Variants in PLA2G4D observed in about 807,000 individuals in gnomAD.
PLA2G4D encodes cytosolic phospholipase A2 delta.
A neutral mutation model predicts 94.4 loss-of-function variants in PLA2G4D; 80 were observed. That is an observed-to-expected ratio of 0.85 (90% CI 0.71 to 1.02). PLA2G4D has a LOEUF of 1.02. Among genes scored for constraint, PLA2G4D ranks in the 50% least tolerant of loss-of-function variants. The pLI, the probability that PLA2G4D is intolerant of heterozygous loss-of-function variation, is 0.00. For missense variants in PLA2G4D, 1,050 were observed against 1,034.7 expected, an observed-to-expected ratio of 1.01 and a Z score of -0.20; for synonymous variants, 438 against 440.9, an observed-to-expected ratio of 0.99 and a Z score of 0.08.
At chr15:42,086,936 T>C (rs2141102564) in intron 3 of PLA2G4D, among the ~76,000 whole-genome samples, 1 of 152,174 alleles carries the variant, frequency 6.6e-6, no homozygotes, top group East Asian at 1.9e-4. Context: ...CTCCCTGGCT[T>C]TTCTGGCTCC....
Position 42,094,451 on chromosome 15 carries a change from G to A in PLA2G4D, c.9C>T (p.Ser3=). Residue 3 remains serine, a synonymous_variant, in exon 1 of 20, where the codon AGC becomes AGT. Coordinates refer to ENST00000290472, the MANE Select transcript of PLA2G4D (RefSeq NM_178034.4). ME[S]LSPGGPPGHP... ...GGCCAGGTGGTCCCCCAGGTGACAG[G>A]CTCTCCATGCTAGCCCTTCCAGCTT... 1 of 1,614,110 alleles carries A rather than the reference G, an allele frequency of 6.2e-7. No individual in the cohort carries two copies. Among genetic ancestry groups the A allele is most frequent in the Non-Finnish European group, 8.5e-7 (1 of 1,179,990 alleles).
At chr15:42,086,072 G>A in intron 4 of PLA2G4D, 141 bp downstream of exon 4, 1 of 934,782 alleles carries the variant, frequency 1.1e-6, no homozygotes, top group Non-Finnish European at 1.6e-6. Context: ...TTATTAAAAT[G>A]CAAATCTAAA....
chr15:42,069,684 A>G (rs1284993960), intron 19 of PLA2G4D, among the ~76,000 whole-genome samples: 10 of 152,024 alleles, frequency 6.6e-5, no homozygotes, highest in African/African-American at 2.4e-4. Flanking sequence ...CATCATGACA[A>G]AGGGGACCCC....
At chr15:42,088,604 C>T (rs17748059) in intron 1 of PLA2G4D, among the ~76,000 whole-genome samples, 11,559 of 152,192 alleles carry the variant, frequency 0.076, 557 homozygotes, top group Middle Eastern at 0.14. Context: ...CTTATAAGCC[C>T]CTTTGATGTG....
chr15:42,075,598 A>T lies in PLA2G4D; in HGVS notation c.1318-3206T>A, dbSNP rs565130473. On this transcript the variant is annotated intron_variant, in intron 13 of 19. Transcript: ENST00000290472. ...CTAGGTGATTCTATCATATAATTACAACAGCAGGCCAGTCATAGTGGCTCA... is the reference window on the plus strand; with the variant it reads ...CTAGGTGATTCTATCATATAATTACTACAGCAGGCCAGTCATAGTGGCTCA... Among the ~76,000 whole-genome samples the T allele has an allele frequency of 3.9e-4, 59 of 152,356 alleles. 2 individuals are homozygous for T. The South Asian group carries it at 8.1e-3, about 21-fold the overall frequency.
Position 42,070,860 on chromosome 15 carries a change from TG to T in PLA2G4D, c.1899del (p.Ser634AlafsTer3), listed in dbSNP as rs749877522. The T allele has an allele frequency of 1.2e-6, 2 of 1,612,050 alleles. No individual in the cohort carries two copies. The highest frequency in any genetic ancestry group is 2.7e-5 in the African/African-American group (2 of 75,042). ...TWADYQLDSM[P>X]SQLTPKEPRL... ...CGGGGCTCCTTGGGGGTCAGCTGGC[TG>T]GGCATGGAGTCAAGCTGGTAGTCTG... On this transcript the variant is annotated frameshift_variant, in exon 18 of 20. Transcript: ENST00000290472. LOFTEE classifies it high-confidence loss of function.
chr15:42,077,746 C>T (rs1304306781), intron 13 of PLA2G4D, among the ~76,000 whole-genome samples: 2 of 152,242 alleles, frequency 1.3e-5, no homozygotes, highest in African/African-American at 4.8e-5. Context: ...GAGATTTTTA[C>T]TCCTCTGTTG....
intron 12 of PLA2G4D, 61 bp downstream of exon 12, chr15:42,080,936 C>T (rs1566863059): frequency 4.5e-6 from 7 of 1,568,804 alleles, no homozygotes; most frequent in South Asian, 1.2e-5. Flanking sequence ...CCCTCTGGTG[C>T]CCACTCTGCC....
chr15:42,070,793 G>T lies in PLA2G4D; in HGVS notation c.1967C>A (p.Ser656Tyr), dbSNP rs761072660. ...GCGGCCTGGCCGGAACATGGAGGGA[G>T]AGCTGGTGTTGATGAAGTAGGCGGC... The part of the protein sequence containing the change: ...VDAAYFINTS[S>Y]PSMFRPGRRL... Residue 656 changes from serine (S) to tyrosine (Y), a missense_variant, in exon 18 of 20, where the codon TCT becomes TAT. Transcript: ENST00000290472. 3.7e-6 allele frequency: 6 copies of T among 1,605,428 alleles called. No homozygotes were observed. The African/African-American group carries it at 8.0e-5, about 21-fold the overall frequency.
intron 9 of PLA2G4D, 144 bp from the exon 10 acceptor site, chr15:42,081,978 C>T: frequency 9.5e-7 from 1 of 1,057,750 alleles, no homozygotes; most frequent in Non-Finnish European, 1.3e-6. Context: ...GTTGCTCAGG[C>T]TGGAGTGCAA....
chr15:42,073,682 C>A (rs1157055856), intron 13 of PLA2G4D, among the ~76,000 whole-genome samples: 2 of 152,280 alleles, frequency 1.3e-5, no homozygotes, highest in Non-Finnish European at 2.9e-5. Context: ...GTGAAGCATG[C>A]GGACTTCTGG....
intron 7 of PLA2G4D, 68 bp downstream of exon 7, chr15:42,083,648 G>T (rs1295394217): frequency 1.3e-6 from 2 of 1,580,710 alleles, no homozygotes; most frequent in Non-Finnish European, 1.7e-6. Context: ...CCCTGCGCAG[G>T]CTTCCCAGCA....
chr15:42,090,738 T>C (rs1295788679), intron 1 of PLA2G4D, among the ~76,000 whole-genome samples: 1 of 152,164 alleles, frequency 6.6e-6, no homozygotes, highest in East Asian at 1.9e-4. Context: ...TTGTTTTACC[T>C]GGGAGCTAGA....
At chr15:42,090,232 T>TA (rs1191916878) in intron 1 of PLA2G4D, among the ~76,000 whole-genome samples, 1 of 152,214 alleles carries the variant, frequency 6.6e-6, no homozygotes, top group Non-Finnish European at 1.5e-5. Context: ...TTCTGAGGCT[T>TA]AAAATGTTAA....
intron 18 of PLA2G4D, chr15:42,070,311 G>A: frequency 1.8e-6 from 1 of 544,600 alleles, no homozygotes; most frequent in Non-Finnish European, 3.1e-6. Flanking sequence ...CTCTAGGTGG[G>A]GTCAGACCCA....
rs376888583 is a variant in PLA2G4D, at chr15:42,087,270, A to T, written c.255+30T>A. 14 of 1,613,544 alleles carry T rather than the reference A, an allele frequency of 8.7e-6. No individual in the cohort carries two copies. The South Asian group carries it at 9.9e-5, about 11-fold the overall frequency. On this transcript the variant is annotated intron_variant, in intron 3 of 19. Coordinates refer to ENST00000290472, the MANE Select transcript of PLA2G4D (RefSeq NM_178034.4). ...TGCATGGGGGTCCAGCCCGTTCACA[A>T]GGGAGTGGCCAGGAGTCCCGGGCCT...
chr15:42,082,525 A>G, intron 8 of PLA2G4D, 136 bp from the exon 9 acceptor site: 2 of 491,870 alleles, frequency 4.1e-6, no homozygotes, highest in Non-Finnish European at 7.0e-6. Context: ...TCATAATTAT[A>G]ATTATAAAAT....
intron 13 of PLA2G4D, among the ~76,000 whole-genome samples, chr15:42,073,991 C>T (rs571761099): frequency 1.3e-5 from 2 of 152,280 alleles, no homozygotes; most frequent in Admixed American, 6.5e-5. Context: ...AAATAGGGCT[C>T]GATCCCCTGC....
chr15:42,081,113 C>T lies in PLA2G4D; in HGVS notation c.978G>A (p.Met326Ile), dbSNP rs764029856. 5.0e-6 allele frequency: 8 copies of T among 1,614,022 alleles called. No individual in the cohort carries two copies. In the South Asian group the frequency reaches 7.7e-5, roughly 16 times the overall value. The change falls in exon 12 of 20, where the codon ATG becomes ATA. Residue 326 changes from methionine to isoleucine, a missense_variant. Met to Ile is a conservative substitution (Grantham distance 10). Transcript: ENST00000290472. ...TGGCCCGGGCACCTCCTCCTGTGGC[C>T]ATGATGCCCACAACGGGTACCTGGA... The part of the protein sequence containing the change: ...QEDEVPVVGI[M>I]ATGGGARAMT...
Sources: allele counts gnomAD v4.1 joint callset (sites outside exome capture counted in the v4.1 genomes callset), GRCh38; gene constraint gnomAD v4.1.1; transcripts MANE v1.5; gene names NCBI Gene and HGNC (gene_info 2026-07-23, HGNC 2026-07-21).